Variants in NDUFC1 observed in about 807,000 individuals in gnomAD.
NDUFC1 encodes NADH:ubiquinone oxidoreductase subunit C1.
A neutral mutation model predicts 11.6 loss-of-function variants in NDUFC1; 11 were observed. The ratio of observed to expected loss-of-function variants is 0.95; its 90% CI spans 0.60 to 1.58. The LOEUF is 1.58. Ranked by LOEUF, NDUFC1 falls within the 40% of genes most tolerant of loss-of-function variation. The probability of loss-of-function intolerance (pLI) is 0.00; values close to 1 mark genes in which losing one functional copy is unlikely to be tolerated. For synonymous variants in NDUFC1, 52 were observed against 42.2 expected (o/e 1.23, Z -0.90); for missense variants, 112 against 93.0 (o/e 1.20, Z -0.84).
intron 1 of NDUFC1, among the ~76,000 whole-genome samples, chr4:139,300,281 A>G (rs190598222): frequency 2.2e-4 from 33 of 152,344 alleles, no homozygotes; most frequent in Admixed American, 5.9e-4. Flanking sequence ...ACCCCGGTGA[A>G]GGGCGAGGAC....
At chr4:139,294,786 A>G (rs186586778) in intron 4 of NDUFC1, among the ~76,000 whole-genome samples, 1 of 152,152 alleles carries the variant, frequency 6.6e-6, no homozygotes, top group Non-Finnish European at 1.5e-5. Flanking sequence ...GCCATTCCTT[A>G]CAAAACCATG....
At chr4:139,291,822 A>G (rs1172046968) in intron 5 of NDUFC1, among the ~76,000 whole-genome samples, 2 of 152,056 alleles carry the variant, frequency 1.3e-5, no homozygotes, top group South Asian at 2.1e-4. Flanking sequence ...TAAGAAAATA[A>G]TATGATTTTG....
chr4:139,300,024 T>C (rs892367195), intron 1 of NDUFC1, among the ~76,000 whole-genome samples: 5 of 152,256 alleles, frequency 3.3e-5, no homozygotes, highest in Non-Finnish European at 7.3e-5. Context: ...CTATTTTTTC[T>C]GTCTTTCAAT....
At position 139,295,810 on chromosome 4, in the gene NDUFC1, C is replaced by T; in HGVS notation, c.-12G>A. The T allele has an allele frequency of 1.3e-6, 2 of 1,543,368 alleles. No homozygotes were observed. Among genetic ancestry groups the T allele is most frequent in the Non-Finnish European group, 1.7e-6 (2 of 1,144,758 alleles). On this transcript the variant is annotated 5_prime_UTR_variant, in exon 3 of 6. Transcript: ENST00000394223. ...GCGGACGGCGCCATCTTGCGTGGCC[C>T]AGCTCAGTCTCTCCGAGTTGGCAAC...
chr4:139,297,687 GAA>G (rs562584343), intron 1 of NDUFC1, among the ~76,000 whole-genome samples: 116 of 152,182 alleles, frequency 7.6e-4, no homozygotes, highest in Non-Finnish European at 1.4e-3. Context: ...AGCAAGAATT[GAA>G]AAACAGTATA....
chr4:139,290,257 C>G (rs1207880435), intron 5 of NDUFC1, among the ~76,000 whole-genome samples, 165 bp from the exon 6 acceptor site: 2 of 150,766 alleles, frequency 1.3e-5, no homozygotes. Context: ...TTTGCCTTAA[C>G]TATGAAAGAA....
chr4:139,296,000 AAG>A (rs1745456287), intron 2 of NDUFC1, 40 bp from the exon 3 acceptor site: 1 of 533,868 alleles, frequency 1.9e-6, no homozygotes, highest in Admixed American at 4.2e-5. Flanking sequence ...TAAAAGAAAA[AAG>A]AGTTTACCTA....
At position 139,295,161 on chromosome 4, in the gene NDUFC1, G is replaced by C. The variant is rs770909580; in HGVS notation, c.68-15C>G. ...TCGCACTGAAGCTGAAAGGGGAAGAGGGTCTGTAAATTTGTAACTTACTGC... is the reference window on the plus strand; with the variant it reads ...TCGCACTGAAGCTGAAAGGGGAAGACGGTCTGTAAATTTGTAACTTACTGC... On this transcript the variant is annotated splice_polypyrimidine_tract_variant and intron_variant, in intron 3 of 5. Transcript: ENST00000394223. 5.6e-5 allele frequency: 90 copies of C among 1,608,804 alleles called. No homozygotes were observed. The highest frequency in any genetic ancestry group is 7.1e-5 in the Non-Finnish European group (83 of 1,175,372).
chr4:139,292,397 TCA>T (rs1745266471), intron 5 of NDUFC1, 131 bp downstream of exon 5: 1 of 376,814 alleles, frequency 2.7e-6, no homozygotes, highest in South Asian at 8.7e-5. Context: ...TATAAATTTG[TCA>T]CAGACAGAAA....
chr4:139,293,117 G>A (rs531877868), intron 4 of NDUFC1, among the ~76,000 whole-genome samples: 48 of 152,226 alleles, frequency 3.2e-4, no homozygotes, highest in African/African-American at 9.6e-4. Context: ...ACCGCACCTG[G>A]CCAAAAATTT....
intron 1 of NDUFC1, chr4:139,301,734 G>T (rs1258263640): frequency 5.2e-6 from 8 of 1,539,988 alleles, no homozygotes; most frequent in Non-Finnish European, 7.0e-6. Flanking sequence ...CAAACTGACT[G>T]ACCGAGCCGG....
intron 1 of NDUFC1, chr4:139,301,909 C>A (rs1480601610): frequency 6.8e-7 from 1 of 1,476,224 alleles, no homozygotes; most frequent in African/African-American, 1.4e-5. Flanking sequence ...CTCGGCCCGG[C>A]GGGCACTGAG....
In NDUFC1 at chr4:139,292,572, T is replaced by C. The variant is rs773148462; in HGVS notation, c.209A>G (p.Lys70Arg). ...AGTTTATTCCAGCCCATTTCTTCTT[T>C]TGTACTCTAAAATATCTTCATTGTG... Reference protein sequence around the residue: ...KQHNEDILEYKRRNGLE With the variant: ...KQHNEDILEYRRRNGLE The change falls in exon 5 of 6, where the codon AAA (lysine) becomes AGA (arginine). Residue 70 changes from lysine to arginine, a missense_variant. Physicochemically the swap from Lys to Arg is conservative, Grantham distance 26 (BLOSUM62 2). Transcript: ENST00000394223. 6 of 1,568,600 alleles carry C rather than the reference T, an allele frequency of 3.8e-6. No homozygotes were observed. The highest frequency in any genetic ancestry group is 2.7e-5 in the African/African-American group (2 of 73,930).
chr4:139,301,768 A>G (rs992220772), intron 1 of NDUFC1: 1 of 1,570,362 alleles, frequency 6.4e-7, no homozygotes, highest in Admixed American at 1.8e-5. Context: ...CAGCGGGAGC[A>G]GCCGGAACGA....
At chr4:139,292,653 G>A in intron 4 of NDUFC1, 44 bp from the exon 5 acceptor site, 5 of 1,212,134 alleles carry the variant, frequency 4.1e-6, no homozygotes, top group South Asian at 2.9e-5. Context: ...TAATCTTCCT[G>A]GATACTTATA....
intron 5 of NDUFC1, among the ~76,000 whole-genome samples, chr4:139,290,749 G>T (rs959409342): frequency 2.7e-5 from 4 of 150,840 alleles, no homozygotes; most frequent in Non-Finnish European, 4.4e-5. Context: ...ACTGTATATG[G>T]TATACTTATA....
At chr4:139,300,988 A>G (rs1579070443) in intron 1 of NDUFC1, 1 of 152,234 alleles carries the variant, frequency 6.6e-6, no homozygotes, top group African/African-American at 2.4e-5. Context: ...GGCCCATTTC[A>G]TCGGTCAAGC....
At chr4:139,295,217 G>T in intron 3 of NDUFC1, 71 bp from the exon 4 acceptor site, 2 of 1,143,030 alleles carry the variant, frequency 1.7e-6, no homozygotes, top group Non-Finnish European at 2.6e-6. Context: ...ACATTTACGT[G>T]CGTATTATCG....
chr4:139,295,874 G>A lies in NDUFC1; in HGVS notation c.-76C>T, dbSNP rs1449706194. 1.4e-6 allele frequency: 2 copies of A among 1,465,560 alleles called. No homozygotes were observed. Among genetic ancestry groups the A allele is most frequent in the Non-Finnish European group, 1.8e-6 (2 of 1,083,142 alleles). The allele number at this position is 1,465,560 out of a possible 1,614,324, so 90.8% of individuals were successfully genotyped here. A position where few individuals can be genotyped will look rare whatever the true frequency, so the allele number is the denominator to read the frequency against. The stretch of plus-strand genomic sequence containing the variant: ...CCTGGCGGCCGGAAGTGCGGGACTC[G>A]AGGGCTCTGCAGCAGAGCTCCGTGG... On this transcript the variant is annotated 5_prime_UTR_variant, in exon 3 of 6. Coordinates refer to ENST00000394223, the MANE Select transcript of NDUFC1 (RefSeq NM_001184989.2).
Sources: allele counts gnomAD v4.1 joint callset (sites outside exome capture counted in the v4.1 genomes callset), GRCh38; gene constraint gnomAD v4.1.1; transcripts MANE v1.5; gene names NCBI Gene and HGNC (gene_info 2026-07-23, HGNC 2026-07-21).